Variants in ATP10B observed in about 807,000 individuals in gnomAD.
ATP10B encodes phospholipid-transporting ATPase VB.
ATP10B carries 122 observed loss-of-function variants against 141.2 expected under a neutral mutation model. The observed-to-expected ratio is 0.86, with a 90% CI of 0.75 to 1.00. ATP10B has a LOEUF of 1.00. Ranked by LOEUF, ATP10B falls within the 50% of genes least tolerant of loss-of-function variation. The pLI is 0.00. For synonymous variants in ATP10B, 685 were observed against 692.0 expected (o/e 0.99, Z 0.16); for missense variants, 1,876 against 1,825.3 (o/e 1.03, Z -0.51).
chr5:160,701,107 T>C (rs956378368), intron 3 of ATP10B, among the ~76,000 whole-genome samples: 1 of 152,140 alleles, frequency 6.6e-6, no homozygotes, highest in African/African-American at 2.4e-5. Context: ...GATTTGTCCC[T>C]CTGCTGCCAG....
chr5:160,636,144 A>G (rs1759348317), intron 11 of ATP10B, 38 bp downstream of exon 11: 1 of 1,559,298 alleles, frequency 6.4e-7, no homozygotes, highest in Non-Finnish European at 8.7e-7. Flanking sequence ...TTTTGGCCAC[A>G]TATCTTATTG....
chr5:160,748,234 C>CCCA (rs1433851888), intron 2 of ATP10B, among the ~76,000 whole-genome samples: 1 of 152,150 alleles, frequency 6.6e-6, no homozygotes, highest in Non-Finnish European at 1.5e-5. Flanking sequence ...CCTCTCCCTC[C>CCCA]CCAGCATCTT....
chr5:160,770,561 C>G lies in ATP10B; in HGVS notation c.-331+14998G>C, dbSNP rs564428328. Reference sequence around the variant, plus strand: ...GCTCCCAATTTATTTATTCAGGAACCCTAAGGAACACTCTTCTTCATTTAA... The same window carrying G: ...GCTCCCAATTTATTTATTCAGGAACGCTAAGGAACACTCTTCTTCATTTAA... On this transcript the variant is annotated intron_variant, in intron 2 of 25. Coordinates refer to ENST00000327245, the MANE Select transcript of ATP10B (RefSeq NM_025153.3). Among the ~76,000 whole-genome samples the G allele has an allele frequency of 1.7e-4, 26 of 152,132 alleles. No homozygotes were observed. In the South Asian group the frequency reaches 5.0e-3, roughly 29 times the overall value.
intron 3 of ATP10B, chr5:160,692,805 C>T (rs1331735427): frequency 6.6e-6 from 1 of 152,190 alleles, no homozygotes; most frequent in Non-Finnish European, 1.5e-5. Context: ...TAAACTTTAG[C>T]CCCAAACTCC....
At chr5:160,758,026 C>G (rs911657139) in intron 2 of ATP10B, among the ~76,000 whole-genome samples, 6 of 152,112 alleles carry the variant, frequency 3.9e-5, no homozygotes, top group Admixed American at 6.5e-5. Context: ...ATAGAAGATA[C>G]AAATAGTAGT....
intron 1 of ATP10B, among the ~76,000 whole-genome samples, chr5:160,816,738 A>C (rs1210864669): frequency 1.3e-5 from 2 of 152,232 alleles, no homozygotes; most frequent in Non-Finnish European, 2.9e-5. Flanking sequence ...ATAAACATCG[A>C]TGCAAAAATC....
At chr5:160,633,720 T>C (rs1759107115) in intron 12 of ATP10B, 1 of 158,744 alleles carries the variant, frequency 6.3e-6, no homozygotes, top group Non-Finnish European at 1.4e-5. Context: ...ATTTCTTTTC[T>C]TTTCTTAGAA....
At chr5:160,634,162 A>G (rs1225436335) in intron 12 of ATP10B, 192 bp downstream of exon 12, 1 of 831,922 alleles carries the variant, frequency 1.2e-6, no homozygotes, top group East Asian at 2.4e-5. Flanking sequence ...TTGTAAACAA[A>G]TGAAAGTTTA....
intron 2 of ATP10B, among the ~76,000 whole-genome samples, chr5:160,782,259 C>T (rs1270325477): frequency 6.6e-6 from 1 of 152,114 alleles, no homozygotes; most frequent in Non-Finnish European, 1.5e-5. Context: ...CTCCTGCCCA[C>T]AGGGTGTTTA....
intron 24 of ATP10B, among the ~76,000 whole-genome samples, chr5:160,582,023 T>C (rs1449580464): frequency 6.6e-6 from 1 of 152,224 alleles, no homozygotes; most frequent in Non-Finnish European, 1.5e-5. Flanking sequence ...CATCCCTTTA[T>C]TTTGAGCCTA....
Position 160,620,503 on chromosome 5 carries a change from T to TGCCCTGGGGCAGGC in ATP10B, c.2246_2259dup (p.Thr754AlafsTer29). 6.2e-7 allele frequency: 1 copy of TGCCCTGGGGCAGGC among 1,613,314 alleles called. No individual in the cohort carries two copies. The highest frequency in any genetic ancestry group is 8.5e-7 in the Non-Finnish European group (1 of 1,179,778). On this transcript the variant is annotated frameshift_variant, in exon 15 of 26. Coordinates refer to ENST00000327245, the MANE Select transcript of ATP10B (RefSeq NM_025153.3). LOFTEE classifies it high-confidence loss of function. The stretch of plus-strand genomic sequence containing the variant: ...CAGAGGAGGCTGAAGGTGAGGCAGG[T>TGCCCTGGGGCAGGC]GCCCTGGGGCAGGCGCACAGTCACC...
At chr5:160,621,074 A>G (rs2127649372) in intron 14 of ATP10B, 124 bp from the exon 15 acceptor site, 1 of 1,204,962 alleles carries the variant, frequency 8.3e-7, no homozygotes, top group East Asian at 2.4e-5. Flanking sequence ...TCCAGCCCTG[A>G]AATTCTAAGC....
chr5:160,797,384 G>A (rs1005348715), intron 1 of ATP10B, among the ~76,000 whole-genome samples: 25 of 152,084 alleles, frequency 1.6e-4, no homozygotes, highest in African/African-American at 4.8e-4. Context: ...CTCCACTCCC[G>A]AGACCACTAG....
At chr5:160,615,338 T>C (rs887070667) in intron 17 of ATP10B, among the ~76,000 whole-genome samples, 2 of 151,774 alleles carry the variant, frequency 1.3e-5, no homozygotes, top group African/African-American at 2.4e-5. Context: ...AGACCCTCCC[T>C]CACCCCTGTG....
At chr5:160,591,491 A>G (rs1024969) in intron 22 of ATP10B, among the ~76,000 whole-genome samples, 110,765 of 152,122 alleles carry the variant, frequency 0.73, 41,057 homozygotes, top group East Asian at 0.84. Context: ...TCAGTTATTC[A>G]TTGTTATCAA....
At chr5:160,578,777 CA>C (rs1755359239) in intron 24 of ATP10B, among the ~76,000 whole-genome samples, 1 of 152,210 alleles carries the variant, frequency 6.6e-6, no homozygotes, top group Non-Finnish European at 1.5e-5. Context: ...CTGTCTTCCA[CA>C]ATGGTTGAAC....
chr5:160,927,690 G>C, the ATP10B span, among the ~76,000 whole-genome samples: 1 of 152,204 alleles, frequency 6.6e-6, no homozygotes, highest in Admixed American at 6.5e-5. Context: ...TATTATTAGA[G>C]ACTCTGCCAA....
rs955267755 is a variant in ATP10B, at chr5:160,687,986, A to G, written c.89T>C (p.Leu30Pro). 2 of 1,614,026 alleles carry G rather than the reference A, an allele frequency of 1.2e-6. No homozygotes were observed. The highest frequency in any genetic ancestry group is 1.7e-5 in the Admixed American group (1 of 59,998). The change falls in exon 5 of 26, where the codon CTG (leucine) becomes CCG (proline). Residue 30 changes from leucine (L) to proline (P), a missense_variant. Coordinates refer to ENST00000327245, the MANE Select transcript of ATP10B (RefSeq NM_025153.3). ...CTGTCTCCCTTTCTCTGGAGAGAGC[A>G]GCGGTGTGGTTTCCGATGGACAATG... ...FPHCPSETTP[L>P]LSPEKGRQSY...
intron 21 of ATP10B, among the ~76,000 whole-genome samples, chr5:160,599,277 G>T (rs774874271): frequency 5.9e-5 from 9 of 152,168 alleles, no homozygotes; most frequent in African/African-American, 1.7e-4. Flanking sequence ...AAAGCAAAAT[G>T]ATGTATGGCA....
Sources: gnomAD v4.1 joint callset for allele counts (sites outside exome capture counted in the v4.1 genomes callset) on GRCh38, gnomAD v4.1.1 for gene constraint, MANE v1.5 for transcripts, NCBI Gene and HGNC (gene_info 2026-07-23, HGNC 2026-07-21) for gene names.